The following DESI1 variants were observed in gnomAD, a reference collection of about 807,000 sequenced individuals.
DESI1 encodes the protein PPPDE peptidase domain containing 2.
Under a neutral mutation model 22.4 loss-of-function variants are expected in DESI1, and 17 were observed. The observed-to-expected ratio is 0.76, with a 90% CI of 0.52 to 1.14. DESI1 has a LOEUF of 1.14. DESI1 is among the 50% of genes most tolerant of loss of function. The probability of loss-of-function intolerance (pLI) is 0.00; values close to 1 mark genes in which losing one functional copy is unlikely to be tolerated. For synonymous variants in DESI1, 92 were observed against 84.2 expected (o/e 1.09, Z -0.51); for missense variants, 177 against 208.9 (o/e 0.85, Z 0.94).
Position 41,614,186 on chromosome 22 carries a change from G to A in DESI1, c.89-6325C>T, listed in dbSNP as rs187829991. On this transcript the variant is annotated intron_variant, in intron 1 of 5. Coordinates refer to ENST00000263256, the MANE Select transcript of DESI1 (RefSeq NM_015704.3). Reference sequence around the variant, plus strand: ...CGAGTAGCTGGGATTACAGGAGCTCGCCACCATGCCCGGCTAATTTTTTGT... The same window carrying A: ...CGAGTAGCTGGGATTACAGGAGCTCACCACCATGCCCGGCTAATTTTTTGT... 1.7e-3 allele frequency among the ~76,000 whole-genome samples: 264 copies of A among 151,884 alleles called. 3 individuals carry two copies. In the Middle Eastern group the frequency reaches 0.027, roughly 16 times the overall value.
At chr22:41,618,360 T>TA (rs132769) in intron 1 of DESI1, among the ~76,000 whole-genome samples, 115,945 of 142,680 alleles carry the variant, frequency 0.81, 47,647 homozygotes, top group East Asian at 0.94. Flanking sequence ...AAGACTCGTC[T>TA]AAAAAAAAAA....
In DESI1 at chr22:41,607,791, G is replaced by A. The variant is rs757397375; in HGVS notation, c.110+49C>T. ...GACTAGAACCTGAAATGCATAGAGT[G>A]CTGCCTTGTTTCAAAACTAGTCAAA... On this transcript the variant is annotated intron_variant, in intron 2 of 5. Coordinates refer to ENST00000263256, the MANE Select transcript of DESI1 (RefSeq NM_015704.3). The A allele has an allele frequency of 5.6e-6, 9 of 1,607,716 alleles. No individual in the cohort carries two copies. In the African/African-American group the frequency reaches 1.1e-4, roughly 19 times the overall value.
chr22:41,620,090 T>G (rs1362858387), intron 1 of DESI1, among the ~76,000 whole-genome samples: 1 of 152,206 alleles, frequency 6.6e-6, no homozygotes, highest in East Asian at 1.9e-4. Flanking sequence ...CCCCCAAAAC[T>G]GCTTTCTTGC....
chr22:41,603,981 C>T, intron 4 of DESI1, 63 bp downstream of exon 4: 1 of 1,468,282 alleles, frequency 6.8e-7, no homozygotes. Context: ...GCAGCTGCCT[C>T]CAGGGGTTAT....
chr22:41,612,399 C>T (rs1283267887), intron 1 of DESI1, among the ~76,000 whole-genome samples: 1 of 151,778 alleles, frequency 6.6e-6, no homozygotes, highest in East Asian at 1.9e-4. Context: ...ATTCTAGCTA[C>T]TCGGGAGGCT....
chr22:41,611,371 G>C (rs1457278903), intron 1 of DESI1, among the ~76,000 whole-genome samples: 2 of 151,220 alleles, frequency 1.3e-5, no homozygotes, highest in African/African-American at 4.9e-5. Flanking sequence ...GACCTCAGGA[G>C]ATCTGCCCTC....
chr22:41,604,216 C>T (rs2067465891), intron 3 of DESI1, 63 bp from the exon 4 acceptor site: 16 of 1,234,228 alleles, frequency 1.3e-5, no homozygotes, highest in Non-Finnish European at 1.9e-5. Context: ...TTTAATGTGG[C>T]TTCCCACAGT....
At chr22:41,606,942 C>T (rs1449061396) in intron 3 of DESI1, among the ~76,000 whole-genome samples, 2 of 151,978 alleles carry the variant, frequency 1.3e-5, no homozygotes, top group Admixed American at 1.3e-4. Context: ...AGTTGCGTTC[C>T]TAGGATGAGC....
chr22:41,617,665 T>C (rs1048017872), intron 1 of DESI1, among the ~76,000 whole-genome samples: 2 of 152,184 alleles, frequency 1.3e-5, no homozygotes, highest in African/African-American at 2.4e-5. Context: ...GCAAAAGGTA[T>C]AAAAGCAATA....
At chr22:41,614,688 G>A (rs1400049458) in intron 1 of DESI1, among the ~76,000 whole-genome samples, 5 of 143,994 alleles carry the variant, frequency 3.5e-5, no homozygotes, top group African/African-American at 1.0e-4. Flanking sequence ...GAGTTCAAGC[G>A]ATTCTCCTGC....
At chr22:41,618,305 G>C (rs566683208) in intron 1 of DESI1, among the ~76,000 whole-genome samples, 12 of 151,020 alleles carry the variant, frequency 7.9e-5, no homozygotes, top group Admixed American at 2.0e-4. Flanking sequence ...AGAGGTTGCA[G>C]TGAGCTGAGA....
chr22:41,611,870 C>T (rs935680430), intron 1 of DESI1, among the ~76,000 whole-genome samples: 4 of 152,192 alleles, frequency 2.6e-5, no homozygotes, highest in South Asian at 2.1e-4. Flanking sequence ...GGATTACAGG[C>T]GTGAGCTACC....
rs1044057463 is a variant in DESI1, at chr22:41,598,094, T to A, written c.*3003A>T. 1 of 152,204 alleles carries A rather than the reference T, an allele frequency of 6.6e-6. No individual in the cohort carries two copies. The highest frequency in any genetic ancestry group is 6.5e-5 in the Admixed American group (1 of 15,286). 9.4% of individuals were successfully genotyped at this position (152,204 alleles called of 1,614,324 possible). A position where few individuals can be genotyped will look rare whatever the true frequency, so the allele number is the denominator to read the frequency against. ...CGAAGAAAACCAGCAAACACCTCCG[T>A]ACTAGACAGTTATTAGTTTGACTCA... On this transcript the variant is annotated 3_prime_UTR_variant, in exon 6 of 6. Transcript: ENST00000263256.
chr22:41,620,634 C>T (rs2067582737), intron 1 of DESI1, 118 bp downstream of exon 1: 6 of 1,031,008 alleles, frequency 5.8e-6, no homozygotes, highest in African/African-American at 3.3e-5. Context: ...GGCTTTTCTT[C>T]CATCCTCCTG....
intron 1 of DESI1, among the ~76,000 whole-genome samples, chr22:41,616,198 G>A (rs553746066): frequency 6.6e-6 from 1 of 152,282 alleles, no homozygotes; most frequent in South Asian, 2.1e-4. Context: ...AGCCGAGATC[G>A]TGTCATTACA....
chr22:41,619,802 C>T (rs1482663638), intron 1 of DESI1, among the ~76,000 whole-genome samples: 1 of 152,190 alleles, frequency 6.6e-6, no homozygotes, highest in Non-Finnish European at 1.5e-5. Flanking sequence ...AATCATTCGC[C>T]AGTGTCTCCA....
chr22:41,610,814 G>A (rs1420252781), intron 1 of DESI1, among the ~76,000 whole-genome samples: 2 of 150,680 alleles, frequency 1.3e-5, no homozygotes, highest in East Asian at 2.0e-4. Context: ...CGGAGGTTGC[G>A]ACGAGCTGAG....
In DESI1 at chr22:41,607,394, C is replaced by T. The variant is rs1004243529; in HGVS notation, c.111-63G>A. 2.0e-6 allele frequency: 3 copies of T among 1,493,576 alleles called. No homozygotes were observed. The African/African-American group carries it at 4.2e-5, about 21-fold the overall frequency. The allele number at this position is 1,493,576 out of a possible 1,614,324, so 92.5% of individuals were successfully genotyped here. ...TAAACTTTTGAGAAAAAGCAAACAC[C>T]ATAATGCAATGAGAGTAATTTCTGC... is the stretch of plus-strand genomic sequence containing the variant. On this transcript the variant is annotated intron_variant, in intron 2 of 5. Transcript: ENST00000263256.
chr22:41,610,646 G>C (rs1569068986), intron 1 of DESI1, among the ~76,000 whole-genome samples: 1 of 151,924 alleles, frequency 6.6e-6, no homozygotes, highest in East Asian at 1.9e-4. Context: ...GCCGGGCGTG[G>C]TGGATCACCT....
Sources: allele counts gnomAD v4.1 joint callset (sites outside exome capture counted in the v4.1 genomes callset), GRCh38; gene constraint gnomAD v4.1.1; transcripts MANE v1.5; gene names NCBI Gene and HGNC (gene_info 2026-07-23, HGNC 2026-07-21).